Variants in TSHR observed in about 807,000 individuals in gnomAD.
The protein encoded by TSHR is thyrotropin receptor.
A neutral mutation model predicts 64.1 loss-of-function variants in TSHR; 51 were observed. The observed-to-expected ratio is 0.80, with a 90% CI of 0.64 to 1.01. The LOEUF (loss-of-function observed/expected upper bound fraction) is 1.01. Ranked by LOEUF, TSHR falls within the 50% of genes least tolerant of loss-of-function variation. TSHR has a pLI of 0.00. For missense variants in TSHR, 877 were observed against 942.8 expected (o/e 0.93, Z 0.91); for synonymous variants, 361 against 361.9 (o/e 1.00, Z 0.03).
intron 7 of TSHR, among the ~76,000 whole-genome samples, chr14:81,099,219 A>G (rs1416303985): frequency 6.6e-6 from 1 of 152,024 alleles, no homozygotes; most frequent in East Asian, 1.9e-4. Context: ...TTCTTGTCCA[A>G]TTGTCACGTT....
At chr14:81,101,696 T>C (rs1889590665) in intron 7 of TSHR, among the ~76,000 whole-genome samples, 1 of 151,952 alleles carries the variant, frequency 6.6e-6, no homozygotes, top group South Asian at 2.1e-4. Flanking sequence ...TGGGACACAA[T>C]CACACATACC....
At chr14:81,108,343 T>TTCTCTCTC (rs3837640) in intron 7 of TSHR, 32 bp from the exon 8 acceptor site, 8 of 1,413,460 alleles carry the variant, frequency 5.7e-6, no homozygotes, top group Middle Eastern at 2.2e-4. Context: ...ACCTAATTCA[T>TTCTCTCTC]TCTCTCTCTC....
intron 1 of TSHR, among the ~76,000 whole-genome samples, chr14:80,978,543 G>A (rs1008826483): frequency 5.3e-5 from 8 of 152,230 alleles, no homozygotes; most frequent in African/African-American, 1.9e-4. Context: ...AAGACTGCCT[G>A]TTAGAGGGAC....
intron 1 of TSHR, among the ~76,000 whole-genome samples, chr14:81,025,482 G>C (rs1178236819): frequency 1.3e-5 from 2 of 151,878 alleles, no homozygotes; most frequent in Non-Finnish European, 2.9e-5. Flanking sequence ...GAAGAGATGG[G>C]AAGTTGGTTT....
chr14:81,032,011 G>A (rs1186317221), intron 1 of TSHR, among the ~76,000 whole-genome samples: 1 of 152,172 alleles, frequency 6.6e-6, no homozygotes, highest in Non-Finnish European at 1.5e-5. Flanking sequence ...TAAGCACAGT[G>A]ATTCCCCAGT....
At chr14:81,060,161 T>A (rs1886129685) in intron 1 of TSHR, among the ~76,000 whole-genome samples, 1 of 152,196 alleles carries the variant, frequency 6.6e-6, no homozygotes, top group Non-Finnish European at 1.5e-5. Context: ...AGTCCCATAT[T>A]ACCTACAATC....
At chr14:81,102,970 T>C in intron 7 of TSHR, 1 of 985,400 alleles carries the variant, frequency 1.0e-6, no homozygotes, top group South Asian at 4.7e-5. Context: ...AAACTGCTCC[T>C]GTTATAAAAC....
At chr14:81,022,622 A>T (rs1345210857) in intron 1 of TSHR, among the ~76,000 whole-genome samples, 2 of 152,104 alleles carry the variant, frequency 1.3e-5, no homozygotes, top group African/African-American at 2.4e-5. Flanking sequence ...GGAGATCGAG[A>T]CCATCCTGGC....
At chr14:81,016,389 A>G (rs1176421479) in intron 1 of TSHR, among the ~76,000 whole-genome samples, 1 of 152,140 alleles carries the variant, frequency 6.6e-6, no homozygotes, top group East Asian at 1.9e-4. Flanking sequence ...AGCATTTTTA[A>G]ATGTTTCTGT....
At chr14:81,129,292 T>G (rs753891087) in intron 8 of TSHR, among the ~76,000 whole-genome samples, 3 of 152,194 alleles carry the variant, frequency 2.0e-5, no homozygotes, top group Non-Finnish European at 2.9e-5. Flanking sequence ...TACTAACATT[T>G]CACTGTCTCT....
intron 3 of TSHR, among the ~76,000 whole-genome samples, chr14:81,082,626 A>C (rs978852721): frequency 6.6e-6 from 1 of 151,706 alleles, no homozygotes. Flanking sequence ...ACGGGAAAAA[A>C]ATTGAAAATC....
chr14:80,974,680 GGAT>G (rs1463171069), intron 1 of TSHR, among the ~76,000 whole-genome samples: 1 of 152,154 alleles, frequency 6.6e-6, no homozygotes, highest in African/African-American at 2.4e-5. Flanking sequence ...TACTTGTGAA[GGAT>G]TCCTTTTACT....
chr14:81,076,712 C>A (rs1887530770), intron 3 of TSHR, among the ~76,000 whole-genome samples: 1 of 152,166 alleles, frequency 6.6e-6, no homozygotes, highest in Non-Finnish European at 1.5e-5. Context: ...CTCTTCCTCT[C>A]CACTGCCACC....
chr14:81,031,075 G>A (rs1004182747), intron 1 of TSHR, among the ~76,000 whole-genome samples: 2 of 152,120 alleles, frequency 1.3e-5, no homozygotes, highest in Non-Finnish European at 2.9e-5. Context: ...GAAATCTCGA[G>A]GGTTTCCTTC....
intron 1 of TSHR, chr14:80,991,666 TTG>T: frequency 2.5e-6 from 1 of 398,320 alleles, no homozygotes; most frequent in Non-Finnish European, 4.4e-6. Flanking sequence ...CCAAAAGACA[TTG>T]TAAAGTTACC....
rs547465613 is a variant in TSHR, at chr14:81,121,054, A to G, written c.692+12602A>G. On this transcript the variant is annotated intron_variant, in intron 8 of 9. Transcript: ENST00000298171. ...ATTAGAAATTCAAGCCACGAGGTCC[A>G]CAACCCAACTAACAAAAGTTTTAGG... 2.4e-4 allele frequency among the ~76,000 whole-genome samples: 36 copies of G among 152,278 alleles called. 1 individual carries two copies. The South Asian group carries it at 7.2e-3, about 31-fold the overall frequency.
At chr14:81,048,610 G>C (rs1045458441) in intron 1 of TSHR, among the ~76,000 whole-genome samples, 2 of 152,060 alleles carry the variant, frequency 1.3e-5, no homozygotes, top group African/African-American at 4.8e-5. Flanking sequence ...GGAATAAGCA[G>C]GTTGGAAAAT....
chr14:81,073,704 T>C (rs1224650348), intron 3 of TSHR, among the ~76,000 whole-genome samples: 2 of 152,138 alleles, frequency 1.3e-5, no homozygotes, highest in African/African-American at 4.8e-5. Context: ...CATATAGCCT[T>C]AAGACAACAT....
chr14:80,984,194 G>A (rs576461638), intron 1 of TSHR, among the ~76,000 whole-genome samples: 9 of 152,270 alleles, frequency 5.9e-5, no homozygotes, highest in East Asian at 3.9e-4. Flanking sequence ...TATTCCAGCC[G>A]TATCAGATAC....
Sources: gnomAD v4.1 joint callset for allele counts (sites outside exome capture counted in the v4.1 genomes callset) on GRCh38, gnomAD v4.1.1 for gene constraint, MANE v1.5 for transcripts, NCBI Gene and HGNC (gene_info 2026-07-23, HGNC 2026-07-21) for gene names.